Variants in CDH18 observed in about 807,000 individuals in gnomAD.
The protein encoded by CDH18 is cadherin-18.
In CDH18, 31 loss-of-function variants were observed where a neutral mutation model predicts 67.9. The ratio of observed to expected loss-of-function variants is 0.46; its 90% CI spans 0.34 to 0.62. The LOEUF (loss-of-function observed/expected upper bound fraction) is 0.62, where lower values mean the gene tolerates loss of function less well. CDH18 is among the 20% of genes least tolerant of loss of function. The probability of loss-of-function intolerance (pLI) is 0.01; values close to 1 mark genes in which losing one functional copy is unlikely to be tolerated. For missense variants in CDH18, 890 were observed against 975.5 expected, an observed-to-expected ratio of 0.91 and a Z score of 1.17; for synonymous variants, 362 against 347.2, an observed-to-expected ratio of 1.04 and a Z score of -0.48.
intron 2 of CDH18, among the ~76,000 whole-genome samples, chr5:20,212,733 T>G (rs1378668633): frequency 6.6e-6 from 1 of 152,006 alleles, no homozygotes; most frequent in Admixed American, 6.6e-5. Flanking sequence ...AATTTTAAAA[T>G]ACTCTTTGCT....
chr5:19,615,579 A>C (rs1381804367), intron 5 of CDH18, among the ~76,000 whole-genome samples: 3 of 152,138 alleles, frequency 2.0e-5, no homozygotes, highest in Non-Finnish European at 4.4e-5. Flanking sequence ...ATTTTACAAC[A>C]GGGTTCACAC....
At chr5:20,390,962 C>T (rs1412159237) in intron 1 of CDH18, among the ~76,000 whole-genome samples, 3 of 151,782 alleles carry the variant, frequency 2.0e-5, no homozygotes, top group African/African-American at 4.8e-5. Context: ...GGAAGGGGAA[C>T]GTCACACACT....
At chr5:19,677,041 G>A (rs1434682234) in intron 5 of CDH18, among the ~76,000 whole-genome samples, 2 of 151,956 alleles carry the variant, frequency 1.3e-5, no homozygotes, top group African/African-American at 4.8e-5. Flanking sequence ...CTTTAGACAC[G>A]TATGGATTTG....
intron 3 of CDH18, among the ~76,000 whole-genome samples, chr5:19,830,106 A>T (rs1290833756): frequency 1.3e-5 from 2 of 152,210 alleles, no homozygotes; most frequent in Non-Finnish European, 2.9e-5. Flanking sequence ...GACCTAAGAA[A>T]TATCATTCTG....
chr5:19,863,419 A>G (rs1212781926), intron 2 of CDH18, among the ~76,000 whole-genome samples: 1 of 152,144 alleles, frequency 6.6e-6, no homozygotes, highest in Non-Finnish European at 1.5e-5. Flanking sequence ...AATCCCAAAT[A>G]CTGGCAATCT....
chr5:19,595,436 C>T (rs1354677108), intron 6 of CDH18, among the ~76,000 whole-genome samples: 1 of 152,122 alleles, frequency 6.6e-6, no homozygotes, highest in Admixed American at 6.5e-5. Flanking sequence ...CTAGCCTGAC[C>T]AACATGGTGA....
intron 1 of CDH18, among the ~76,000 whole-genome samples, chr5:20,476,333 T>C (rs1284566434): frequency 1.5e-5 from 2 of 130,344 alleles, no homozygotes; most frequent in East Asian, 2.1e-4. Flanking sequence ...CTGGCCATCA[T>C]GGTCATTACA....
At chr5:19,501,467 A>G (rs1012077823) in intron 11 of CDH18, among the ~76,000 whole-genome samples, 10 of 150,452 alleles carry the variant, frequency 6.6e-5, no homozygotes, top group African/African-American at 2.2e-4. Flanking sequence ...CAAGCAAACA[A>G]AAAACTAGCC....
intron 3 of CDH18, among the ~76,000 whole-genome samples, chr5:19,824,462 A>G (rs1041299246): frequency 4.6e-5 from 7 of 152,174 alleles, no homozygotes; most frequent in African/African-American, 1.7e-4. Context: ...AAGACTGGAA[A>G]TGAGAGAATC....
At chr5:19,482,101 A>AAATTT (rs1283123086) in intron 12 of CDH18, among the ~76,000 whole-genome samples, 4 of 152,024 alleles carry the variant, frequency 2.6e-5, no homozygotes, top group Non-Finnish European at 5.9e-5. Flanking sequence ...TTCAAATAAA[A>AAATTT]AATTTATTTT....
intron 1 of CDH18, among the ~76,000 whole-genome samples, chr5:20,417,408 T>C (rs1407379757): frequency 5.3e-5 from 8 of 152,268 alleles, no homozygotes; most frequent in Non-Finnish European, 8.8e-5. Context: ...TCAGCAAAGA[T>C]AGAAAAAGTA....
At chr5:19,544,273 C>T (rs186755612) in intron 8 of CDH18, among the ~76,000 whole-genome samples, 20 of 151,624 alleles carry the variant, frequency 1.3e-4, no homozygotes, top group African/African-American at 3.6e-4. Flanking sequence ...GCAGAAACAG[C>T]GATTAATAGT....
intron 2 of CDH18, among the ~76,000 whole-genome samples, chr5:19,847,495 T>C (rs1200043022): frequency 3.9e-5 from 6 of 152,134 alleles, no homozygotes; most frequent in Admixed American, 1.3e-4. Context: ...TCTTATTTTG[T>C]TTATGCATTG....
At chr5:19,801,223 A>G (rs1360375345) in intron 3 of CDH18, among the ~76,000 whole-genome samples, 3 of 152,226 alleles carry the variant, frequency 2.0e-5, no homozygotes, top group African/African-American at 4.8e-5. Context: ...TTTTAAAAGA[A>G]TATTTTCATT....
chr5:20,383,612 T>C (rs892727298), intron 1 of CDH18, among the ~76,000 whole-genome samples: 18 of 152,322 alleles, frequency 1.2e-4, no homozygotes, highest in African/African-American at 4.1e-4. Context: ...TAAAATGCCT[T>C]GCTTAATTTA....
chr5:20,534,492 A>G (rs1262465126), intron 1 of CDH18, among the ~76,000 whole-genome samples: 1 of 152,084 alleles, frequency 6.6e-6, no homozygotes, highest in Non-Finnish European at 1.5e-5. Context: ...GTCTTTGTTC[A>G]TCTTCATGAA....
intron 1 of CDH18, among the ~76,000 whole-genome samples, chr5:20,433,995 G>T (rs921560168): frequency 3.9e-5 from 6 of 152,078 alleles, no homozygotes; most frequent in Non-Finnish European, 8.8e-5. Context: ...AAACCATTGA[G>T]TTCAACAACC....
intron 5 of CDH18, among the ~76,000 whole-genome samples, chr5:19,662,141 A>T (rs1757267256): frequency 4.0e-5 from 4 of 99,928 alleles, no homozygotes; most frequent in South Asian, 9.0e-4. Context: ...TTTAAAGATG[A>T]CTTTTTTTTT....
At chr5:19,925,920 A>G (rs1344065007) in intron 2 of CDH18, among the ~76,000 whole-genome samples, 3 of 152,190 alleles carry the variant, frequency 2.0e-5, no homozygotes, top group African/African-American at 7.2e-5. Context: ...GGCACCAGGT[A>G]TGGTCTATGT....
Sources: allele counts gnomAD v4.1 joint callset (sites outside exome capture counted in the v4.1 genomes callset), GRCh38; gene constraint gnomAD v4.1.1; transcripts MANE v1.5; gene names NCBI Gene and HGNC (gene_info 2026-07-23, HGNC 2026-07-21).